The following LMO3 variants were observed in gnomAD, a reference collection of about 807,000 sequenced individuals.
The protein encoded by LMO3 is LIM domain only protein 3.
In LMO3, 2 loss-of-function variants were observed where a neutral mutation model predicts 15.8. The observed-to-expected ratio is 0.13, with a 90% CI of 0.05 to 0.40. The LOEUF is 0.40. Ranked by LOEUF, LMO3 falls within the 10% of genes least tolerant of loss-of-function variation. The pLI is 0.99. For synonymous variants in LMO3, 62 were observed against 63.8 expected (o/e 0.97, Z 0.13); for missense variants, 86 against 182.2 (o/e 0.47, Z 3.04).
At chr12:16,590,146 T>G (rs1013149145) in intron 2 of LMO3, among the ~76,000 whole-genome samples, 2 of 152,090 alleles carry the variant, frequency 1.3e-5, no homozygotes, top group Non-Finnish European at 2.9e-5. Flanking sequence ...TAAAAGACAC[T>G]TTGTACATAC....
intron 2 of LMO3, among the ~76,000 whole-genome samples, chr12:16,571,462 A>G (rs1442161493): frequency 6.6e-6 from 1 of 152,104 alleles, no homozygotes; most frequent in African/African-American, 2.4e-5. Flanking sequence ...TCTAAACACA[A>G]TCATTTGAAA....
intron 1 of LMO3, chr12:16,605,827 C>A: frequency 1.3e-6 from 2 of 1,535,490 alleles, no homozygotes; most frequent in Non-Finnish European, 1.7e-6. Context: ...CCGCCTGCAT[C>A]TATTTCATGT....
chr12:16,560,553 A>AC lies in LMO3; in HGVS notation c.207-16_207-15insG. ...CACCAAAGAGCCTAGAATAAGAAAC[A>AC]TTTTTTTTTTTTTACAAACTCTTAC... On this transcript the variant is annotated splice_polypyrimidine_tract_variant and intron_variant, in intron 2 of 3. Transcript: ENST00000537304. The surrounding 1 kb of genome is among the most constrained non-coding windows in gnomAD (Gnocchi z 5.0). 1 of 1,414,568 alleles carries AC rather than the reference A, an allele frequency of 7.1e-7. No homozygotes were observed. The highest frequency in any genetic ancestry group is 9.6e-7 in the Non-Finnish European group (1 of 1,037,332). The allele number at this position is 1,414,568 out of a possible 1,614,324, so 87.6% of individuals were successfully genotyped here.
chr12:16,552,480 A>G (rs1374980120), intron 3 of LMO3, among the ~76,000 whole-genome samples: 1 of 152,084 alleles, frequency 6.6e-6, no homozygotes, highest in Non-Finnish European at 1.5e-5. Flanking sequence ...GGACTGATTT[A>G]CATTTGCAAA....
chr12:16,586,753 G>T lies in LMO3; in HGVS notation c.206+13902C>A, dbSNP rs187535000. 2.0e-5 allele frequency among the ~76,000 whole-genome samples: 3 copies of T among 152,274 alleles called. No individual in the cohort carries two copies. Among genetic ancestry groups the T allele is most frequent in the Non-Finnish European group, 4.4e-5 (3 of 68,012 alleles). ...TCCATTTCTCTGGTACTTGAGCTAA[G>T]CTCCTGTGGCTCAGATTATTTATTG... On this transcript the variant is annotated intron_variant, in intron 2 of 3. Coordinates refer to ENST00000537304, the MANE Select transcript of LMO3 (RefSeq NM_018640.5). The surrounding 1 kb of genome is among the most constrained non-coding windows in gnomAD (Gnocchi z 4.3).
Position 16,560,276 on chromosome 12 carries a change from T to G in LMO3, c.332+137A>C. 1.1e-6 allele frequency: 1 copy of G among 877,834 alleles called. No individual in the cohort carries two copies. Among genetic ancestry groups the G allele is most frequent in the South Asian group, 2.5e-5 (1 of 40,662 alleles). The allele number at this position is 877,834 out of a possible 1,614,324, so 54.4% of individuals were successfully genotyped here. On this transcript the variant is annotated intron_variant, in intron 3 of 3. Transcript: ENST00000537304. The surrounding 1 kb of genome is among the most constrained non-coding windows in gnomAD (Gnocchi z 5.0). ...TCTCCTTAGTAGCTTGTCTCTGGCATGGGATTAAAGTTTACAGAACAGAAA... is the reference window on the plus strand; with the variant it reads ...TCTCCTTAGTAGCTTGTCTCTGGCAGGGGATTAAAGTTTACAGAACAGAAA...
At position 16,593,811 on chromosome 12, in the gene LMO3, C is replaced by T. The variant is rs1317812321; in HGVS notation, c.206+6844G>A. Reference sequence around the variant, plus strand: ...GAAAAGCTAAATGCCACATTTCTTGCTTCACAGTATAAACTTCCACTTCAA... The same window carrying T: ...GAAAAGCTAAATGCCACATTTCTTGTTTCACAGTATAAACTTCCACTTCAA... On this transcript the variant is annotated intron_variant, in intron 2 of 3. Transcript: ENST00000537304. This position sits in a 1 kb window ranked among gnomAD's most constrained non-coding sequence, Gnocchi z 4.2. 6.6e-6 allele frequency among the ~76,000 whole-genome samples: 1 copy of T among 151,772 alleles called. No homozygotes were observed. Among genetic ancestry groups the T allele is most frequent in the Admixed American group, 6.6e-5 (1 of 15,214 alleles).
chr12:16,574,114 T>C lies in LMO3; in HGVS notation c.207-13576A>G, dbSNP rs188289563. On this transcript the variant is annotated intron_variant, in intron 2 of 3. Transcript: ENST00000537304. ...AAAACCAACCTTCCTCCACCTACTC[T>C]GCCGATTTGCTCCATTATAAAAATG... Among the ~76,000 whole-genome samples, 67 of 152,198 alleles carry C rather than the reference T, an allele frequency of 4.4e-4. 1 individual carries two copies. Among genetic ancestry groups the C allele is most frequent in the African/African-American group, 1.6e-3 (66 of 41,506 alleles).
rs912231066 is a variant in LMO3, at chr12:16,549,538, T to C, written c.*1684A>G. On this transcript the variant is annotated 3_prime_UTR_variant, in exon 4 of 4. Coordinates refer to ENST00000537304, the MANE Select transcript of LMO3 (RefSeq NM_018640.5). The stretch of plus-strand genomic sequence containing the variant: ...TGGCCCCAACCCAAGAATTCAGGTA[T>C]AACATTTAATTTTCATCTGTAATGC... 8.5e-5 allele frequency: 13 copies of C among 152,560 alleles called. No homozygotes were observed. Among genetic ancestry groups the C allele is most frequent in the African/African-American group, 3.1e-4 (13 of 41,436 alleles). 9.5% of individuals were successfully genotyped at this position (152,560 alleles called of 1,614,324 possible).
chr12:16,574,763 T>C (rs1233371618), intron 2 of LMO3, among the ~76,000 whole-genome samples: 1 of 152,166 alleles, frequency 6.6e-6, no homozygotes, highest in Non-Finnish European at 1.5e-5. Context: ...AAATCTGTAA[T>C]AGAAAAATTA....
chr12:16,580,734 CA>C (rs1943134990), intron 2 of LMO3, among the ~76,000 whole-genome samples: 1 of 152,122 alleles, frequency 6.6e-6, no homozygotes, highest in Admixed American at 6.6e-5. Context: ...ATAATTAGAG[CA>C]AACATTAGTA....
intron 2 of LMO3, among the ~76,000 whole-genome samples, chr12:16,595,700 C>A (rs2137663252): frequency 6.6e-6 from 1 of 151,400 alleles, no homozygotes; most frequent in South Asian, 2.1e-4. Flanking sequence ...GTTCAATATG[C>A]TCATGTCAAA....
rs1941906407 is a variant in LMO3 at position 16,549,409 on chromosome 12, AT to A, written c.*1812del. 6.6e-6 allele frequency: 1 copy of A among 152,474 alleles called. No homozygotes were observed. Among genetic ancestry groups the A allele is most frequent in the African/African-American group, 2.4e-5 (1 of 41,414 alleles). The allele number at this position is 152,474 out of a possible 1,614,324, so 9.4% of individuals were successfully genotyped here. ...CATATCATTCACTTTTCACAGAACC[AT>A]TTTCTTAAAAATAAGAGGCAATATC... On this transcript the variant is annotated 3_prime_UTR_variant, in exon 4 of 4. Transcript: ENST00000537304.
intron 2 of LMO3, among the ~76,000 whole-genome samples, chr12:16,565,984 A>ATG (rs1942586310): frequency 1.2e-3 from 2 of 1,732 alleles, no homozygotes; most frequent in Non-Finnish European, 2.8e-3. Flanking sequence ...AAAATGTGCC[A>ATG]TATATATATA....
At chr12:16,572,340 T>A (rs1942842062) in intron 2 of LMO3, among the ~76,000 whole-genome samples, 1 of 23,078 alleles carries the variant, frequency 4.3e-5, no homozygotes, top group Admixed American at 4.1e-4. Context: ...GTCCAAACTC[T>A]TTTTTTTTTT....
At chr12:16,609,482 T>C (rs1280261955), upstream of LMO3, among the ~76,000 whole-genome samples, 1 of 152,216 alleles carries the variant, frequency 6.6e-6, no homozygotes, top group Non-Finnish European at 1.5e-5. Context: ...AGGATTGCTA[T>C]AAAGAGCCAG....
intron 1 of LMO3, chr12:16,605,812 A>C (rs542292141): frequency 1.3e-6 from 2 of 1,535,314 alleles, no homozygotes; most frequent in African/African-American, 2.7e-5. Context: ...TTCCATCAAC[A>C]TCTTCCGCCT....
At chr12:16,554,848 C>T (rs1942131743) in intron 3 of LMO3, among the ~76,000 whole-genome samples, 1 of 152,020 alleles carries the variant, frequency 6.6e-6, no homozygotes, top group African/African-American at 2.4e-5. Flanking sequence ...TTAGTAGAGA[C>T]GGGGTTTCAC....
Position 16,586,304 on chromosome 12 carries a change from T to A in LMO3, c.206+14351A>T. On this transcript the variant is annotated intron_variant, in intron 2 of 3. Coordinates refer to ENST00000537304, the MANE Select transcript of LMO3 (RefSeq NM_018640.5). This position sits in a 1 kb window ranked among gnomAD's most constrained non-coding sequence, Gnocchi z 4.3. ...AGAGTGTTAAGATGTCATGATACGATGAAGTCCACATACGGAACAACTAAG... is the reference window on the plus strand; with the variant it reads ...AGAGTGTTAAGATGTCATGATACGAAGAAGTCCACATACGGAACAACTAAG... Among the ~76,000 whole-genome samples the A allele has an allele frequency of 6.6e-6, 1 of 152,180 alleles. No individual in the cohort carries two copies.
Sources: allele counts gnomAD v4.1 joint callset (sites outside exome capture counted in the v4.1 genomes callset), GRCh38; gene constraint gnomAD v4.1.1; non-coding constraint Gnocchi (gnomAD v3.1); transcripts MANE v1.5; gene names NCBI Gene and HGNC (gene_info 2026-07-23, HGNC 2026-07-21).